The following RNF123 variants were observed in gnomAD, a reference collection of about 807,000 sequenced individuals.
RNF123 encodes the protein ring finger protein 123, also known as E3 ubiquitin-protein ligase RNF123.
A neutral mutation model predicts 168.5 loss-of-function variants in RNF123; 86 were observed. The ratio of observed to expected loss-of-function variants is 0.51; its 90% CI spans 0.43 to 0.61. RNF123 has a LOEUF of 0.61. Ranked by LOEUF, RNF123 falls within the 20% of genes least tolerant of loss-of-function variation. The pLI, the probability that RNF123 is intolerant of heterozygous loss-of-function variation, is 0.00. For missense variants in RNF123, 1,419 were observed against 1,729.7 expected, an observed-to-expected ratio of 0.82 and a Z score of 3.19; for synonymous variants, 666 against 689.1, an observed-to-expected ratio of 0.97 and a Z score of 0.52.
chr3:49,719,705 T>A (rs974065711), intron 35 of RNF123: 1 of 492,700 alleles, frequency 2.0e-6, no homozygotes, highest in African/African-American at 2.0e-5. Context: ...CCTGATCGGC[T>A]CCTAAATACT....
intron 12 of RNF123, 100 bp from the exon 13 acceptor site, chr3:49,700,127 G>A: frequency 6.5e-7 from 1 of 1,543,198 alleles, no homozygotes; most frequent in Non-Finnish European, 8.8e-7. Flanking sequence ...GTGGCTCAAG[G>A]CTCTGTGCCT....
chr3:49,698,415 G>A (rs758587038), intron 7 of RNF123, 25 bp from the exon 8 acceptor site: 1 of 1,600,082 alleles, frequency 6.2e-7, no homozygotes, highest in East Asian at 2.2e-5. Context: ...CCTCACCAGG[G>A]ACCTCATAGG....
At chr3:49,719,806 C>A (rs1196612561) in intron 35 of RNF123, 3 of 261,930 alleles carry the variant, frequency 1.1e-5, no homozygotes, top group Non-Finnish European at 2.3e-5. Context: ...CCCGCATGAC[C>A]GCCAGATGGG....
Position 49,706,015 on chromosome 3 carries a change from G to A in RNF123, c.2338G>A (p.Ala780Thr), listed in dbSNP as rs745562559. The A allele has an allele frequency of 7.4e-6, 12 of 1,614,026 alleles. No individual in the cohort carries two copies. The highest frequency in any genetic ancestry group is 5.1e-6 in the Non-Finnish European group (6 of 1,180,030). ...TGTCTCCGATGATGTCAATGAATAC[G>A]CTATGGCTCTGAGGGACACAGAGGA... ...VGVSDDVNEY[A>T]MALRDTEDKL... Residue 780 changes from alanine (A) to threonine (T), a missense_variant, in exon 25 of 39, where the codon GCT becomes ACT. Around this residue, in one of 5 missense-constraint regions of RNF123, gnomAD observed 538 missense variants for 708.8 expected, o/e 0.76. Transcript: ENST00000327697.
chr3:49,714,272 C>G, intron 31 of RNF123, 98 bp downstream of exon 31: 1 of 1,106,738 alleles, frequency 9.0e-7, no homozygotes, highest in Non-Finnish European at 1.4e-6. Context: ...TCCAGCCCCT[C>G]TCTGGTTCCC....
chr3:49,697,430 TCTC>T lies in RNF123; in HGVS notation c.318_320del (p.Leu107del), dbSNP rs1029746210. On this transcript the variant is annotated inframe_deletion, in exon 5 of 39. Transcript: ENST00000327697. ...ACCACACAGGCGGCTTTGAGGGGCTTCTCCTGGTGGATGATGACCTGCTGGGGG... is the reference window on the plus strand; with the variant it reads ...ACCACACAGGCGGCTTTGAGGGGCTTCTGGTGGATGATGACCTGCTGGGGG... 1.4e-5 allele frequency: 22 copies of T among 1,610,014 alleles called. No individual in the cohort carries two copies. The Admixed American group carries it at 2.5e-4, about 18-fold the overall frequency.
intron 1 of RNF123, chr3:49,689,833 T>A (rs1220253426): frequency 6.6e-6 from 1 of 152,146 alleles, no homozygotes. Flanking sequence ...GTAGGTTCAG[T>A]TCTGAGTCCG....
chr3:49,701,860 G>A lies in RNF123; in HGVS notation c.1445G>A (p.Arg482Gln), dbSNP rs999767657. ...GAGGAGACCGCAGAGGAGCGGCTGC[G>A]GCGGCGAGCCTACGAACGGGGCTGT... ...MKEETAEERL[R>Q]RRAYERGCQR... The change falls in exon 17 of 39, where the codon CGG (arginine) becomes CAG (glutamine). Residue 482 changes from arginine (R) to glutamine (Q), a missense_variant. By Grantham distance (43) the Arg-to-Gln change is conservative (BLOSUM62 1). Transcript: ENST00000327697. 31 of 1,570,734 alleles carry A rather than the reference G, an allele frequency of 2.0e-5. No homozygotes were observed. In the East Asian group the frequency reaches 3.9e-4, roughly 20 times the overall value.
intron 35 of RNF123, chr3:49,718,348 A>G (rs2080296944): frequency 6.2e-7 from 1 of 1,613,376 alleles, no homozygotes; most frequent in East Asian, 2.2e-5. Context: ...TGGGCGCGGA[A>G]AGTGCACGCT....
At chr3:49,709,257 G>C (rs2080095045) in intron 26 of RNF123, among the ~76,000 whole-genome samples, 10 of 151,292 alleles carry the variant, frequency 6.6e-5, no homozygotes, top group Admixed American at 5.9e-4. Flanking sequence ...TCAGCCTCCT[G>C]AGTAGCTGGG....
At position 49,701,713 on chromosome 3, in the gene RNF123, C is replaced by T. The variant is rs1345704001; in HGVS notation, c.1396-98C>T. 9.6e-6 allele frequency: 14 copies of T among 1,457,144 alleles called. No individual in the cohort carries two copies. The Admixed American group carries it at 1.6e-4, about 17-fold the overall frequency. The allele number at this position is 1,457,144 out of a possible 1,614,324, so 90.3% of individuals were successfully genotyped here. A position where few individuals can be genotyped will look rare whatever the true frequency, so the allele number is the denominator to read the frequency against. ...TGAGGCCTTTTCACTGGCCCTGGTC[C>T]CTGAAGCCCTGGAGATGGAGTGTGG... On this transcript the variant is annotated intron_variant, in intron 16 of 38. Coordinates refer to ENST00000327697, the MANE Select transcript of RNF123 (RefSeq NM_022064.5).
intron 26 of RNF123, 81 bp downstream of exon 26, chr3:49,706,979 G>T: frequency 8.9e-7 from 1 of 1,125,518 alleles, no homozygotes; most frequent in Non-Finnish European, 1.3e-6. Context: ...GGCCCTTGAT[G>T]CCCCCACCCT....
rs920706177 is a variant in RNF123, at chr3:49,716,241, T to C, written c.3415+64T>C. The C allele has an allele frequency of 6.9e-5, 108 of 1,575,698 alleles. No homozygotes were observed. The East Asian group carries it at 1.4e-3, about 21-fold the overall frequency. On this transcript the variant is annotated intron_variant, in intron 34 of 38. Transcript: ENST00000327697. ...GCCTCGGTTCCTCTGCTAGGAACAG[T>C]GAGGCCTGATTCCACATTCTGCCCC... is the stretch of plus-strand genomic sequence containing the variant.
At position 49,703,418 on chromosome 3, in the gene RNF123, T is replaced by A. The variant is rs781179638; in HGVS notation, c.1751-9T>A. ...TGACCACTGGCCTAGCCTCCTCAAT[T>A]CCTCGCAGAGGCCTACATCCCGCCC... On this transcript the variant is annotated splice_polypyrimidine_tract_variant and intron_variant, in intron 20 of 38. Coordinates refer to ENST00000327697, the MANE Select transcript of RNF123 (RefSeq NM_022064.5). 76 of 1,611,770 alleles carry A rather than the reference T, an allele frequency of 4.7e-5. No individual in the cohort carries two copies. Among genetic ancestry groups the A allele is most frequent in the Non-Finnish European group, 6.4e-5 (75 of 1,178,168 alleles).
chr3:49,719,211 G>T (rs909872542), intron 35 of RNF123: 15 of 1,613,130 alleles, frequency 9.3e-6, no homozygotes, highest in Non-Finnish European at 1.3e-5. Context: ...CGCGCAGCTG[G>T]AAGAGGGGCG....
At chr3:49,706,175 C>T in intron 25 of RNF123, 110 bp downstream of exon 25, 1 of 966,264 alleles carries the variant, frequency 1.0e-6, no homozygotes, top group South Asian at 1.4e-5. Context: ...CCACTCTAGC[C>T]CTGGCCATAG....
At chr3:49,717,528 C>T (rs138066462) in intron 35 of RNF123, 30 of 216,652 alleles carry the variant, frequency 1.4e-4, no homozygotes, top group Admixed American at 2.6e-4. Context: ...CACCACTCCT[C>T]GAGAGCTGTC....
intron 35 of RNF123, chr3:49,718,494 G>C: frequency 6.2e-7 from 1 of 1,613,084 alleles, no homozygotes; most frequent in Non-Finnish European, 8.5e-7. Context: ...TGCCATCGCG[G>C]GATCCTGGCG....
chr3:49,712,626 G>C lies in RNF123; in HGVS notation c.2644G>C (p.Gly882Arg), dbSNP rs1228444871. 6.2e-7 allele frequency: 1 copy of C among 1,614,138 alleles called. No homozygotes were observed. Among genetic ancestry groups the C allele is most frequent in the Non-Finnish European group, 8.5e-7 (1 of 1,180,024 alleles). ...CTACAGTGCTCTCAAGAATTACTTT[G>C]GTCCCGTGCACAGCATGGAGGAGCT... The part of the protein sequence containing the change: ...NSYSALKNYF[G>R]PVHSMEELPG... Residue 882 changes from glycine (G) to arginine (R), a missense_variant, in exon 27 of 39, where the codon GGT becomes CGT. Physicochemically the swap from Gly to Arg is moderately radical, Grantham distance 125. This residue lies in a region of RNF123 where 538 missense variants were observed against 708.8 expected (regional missense o/e 0.76). Coordinates refer to ENST00000327697, the MANE Select transcript of RNF123 (RefSeq NM_022064.5).
Sources: allele counts gnomAD v4.1 joint callset (sites outside exome capture counted in the v4.1 genomes callset), GRCh38; gene constraint gnomAD v4.1.1; regional missense constraint gnomAD v4.1.1; transcripts MANE v1.5; gene names NCBI Gene and HGNC (gene_info 2026-07-23, HGNC 2026-07-21).